Variants in KPNA5 observed in about 807,000 individuals in gnomAD.
The protein encoded by KPNA5 is karyopherin subunit alpha 5.
In KPNA5, 46 loss-of-function variants were observed where a neutral mutation model predicts 71.3. The ratio of observed to expected loss-of-function variants is 0.65; its 90% CI spans 0.51 to 0.83. The LOEUF (loss-of-function observed/expected upper bound fraction) is 0.83, where lower values mean the gene tolerates loss of function less well. KPNA5 is among the 40% of genes least tolerant of loss of function. KPNA5 has a pLI of 0.00. For synonymous variants in KPNA5, 207 were observed against 201.4 expected (o/e 1.03, Z -0.24); for missense variants, 547 against 628.3 (o/e 0.87, Z 1.38).
intron 7 of KPNA5, among the ~76,000 whole-genome samples, chr6:116,709,736 C>T (rs750808796): frequency 3.3e-5 from 5 of 151,818 alleles, no homozygotes; most frequent in African/African-American, 1.2e-4. Context: ...TTGATAAATG[C>T]CCTTTATCCT....
intron 7 of KPNA5, among the ~76,000 whole-genome samples, chr6:116,713,074 T>C (rs1396215796): frequency 6.6e-6 from 1 of 152,168 alleles, no homozygotes; most frequent in Non-Finnish European, 1.5e-5. Flanking sequence ...CATTTTACTT[T>C]TAAGTCATGT....
chr6:116,686,144 A>T (rs1299339791), intron 1 of KPNA5, among the ~76,000 whole-genome samples: 7 of 151,948 alleles, frequency 4.6e-5, no homozygotes, highest in African/African-American at 1.5e-4. Flanking sequence ...AGCTCAAGCA[A>T]TCCTCCTGGC....
intron 7 of KPNA5, among the ~76,000 whole-genome samples, chr6:116,713,052 A>AT (rs201995086): frequency 9.0e-4 from 134 of 149,118 alleles, no homozygotes; most frequent in East Asian, 8.6e-3. Flanking sequence ...ATTTATAATG[A>AT]TTTTTTTTTT....
At chr6:116,706,057 C>T (rs1259475421) in intron 7 of KPNA5, among the ~76,000 whole-genome samples, 1 of 152,144 alleles carries the variant, frequency 6.6e-6, no homozygotes, top group African/African-American at 2.4e-5. Flanking sequence ...GAGAATTTAG[C>T]TGAGCTATAA....
intron 5 of KPNA5, among the ~76,000 whole-genome samples, chr6:116,700,099 A>G (rs976761207): frequency 1.3e-5 from 2 of 152,190 alleles, no homozygotes; most frequent in South Asian, 4.1e-4. Flanking sequence ...ACTAGTCTTG[A>G]GGATGAAGGA....
rs1747158735 is a variant in KPNA5, at chr6:116,737,831, A to T, written c.*5508A>T. The T allele has an allele frequency of 6.6e-6, 1 of 151,832 alleles. No homozygotes were observed. Among genetic ancestry groups the T allele is most frequent in the Admixed American group, 6.6e-5 (1 of 15,190 alleles). The allele number at this position is 151,832 out of a possible 1,614,324, so 9.4% of individuals were successfully genotyped here. The stretch of plus-strand genomic sequence containing the variant: ...CTTTTTGTCTCAATCACTTTCGCTG[A>T]ATTCAGTTATAGTGATTATAGTCTT... On this transcript the variant is annotated 3_prime_UTR_variant, in exon 14 of 14. Coordinates refer to ENST00000368564, the MANE Select transcript of KPNA5 (RefSeq NM_001366306.2).
At chr6:116,717,847 A>G (rs1013026509) in intron 8 of KPNA5, among the ~76,000 whole-genome samples, 2 of 151,968 alleles carry the variant, frequency 1.3e-5, no homozygotes, top group African/African-American at 4.8e-5. Flanking sequence ...AGTTGTATAC[A>G]TGCCCATCTG....
chr6:116,716,177 T>C, intron 7 of KPNA5, 42 bp from the exon 8 acceptor site: 1 of 1,437,900 alleles, frequency 7.0e-7, no homozygotes, highest in South Asian at 1.2e-5. Flanking sequence ...AGAGGAAAAA[T>C]GAATGTAAGG....
In KPNA5 at chr6:116,729,746, G is replaced by A. The variant is rs1779416055; in HGVS notation, c.1432+5G>A. ...CTCTCATTGAAGAAGCATATGGTAA[G>A]CAATCAGTTAAAAATTTGCAATTAT... is the stretch of plus-strand genomic sequence containing the variant. On this transcript the variant is annotated splice_donor_5th_base_variant and intron_variant, in intron 13 of 13. Transcript: ENST00000368564. The A allele has an allele frequency of 6.8e-7, 1 of 1,478,488 alleles. No homozygotes were observed. The highest frequency in any genetic ancestry group is 9.0e-7 in the Non-Finnish European group (1 of 1,105,718). 91.6% of individuals were successfully genotyped at this position (1,478,488 alleles called of 1,614,324 possible). A position where few individuals can be genotyped will look rare whatever the true frequency, so the allele number is the denominator to read the frequency against.
rs1779354157 is a variant in KPNA5 at position 116,728,284 on chromosome 6, T to C, written c.1254-1279T>C. 6.6e-5 allele frequency among the ~76,000 whole-genome samples: 10 copies of C among 152,292 alleles called. No homozygotes were observed. In the South Asian group the frequency reaches 2.1e-3, roughly 32 times the overall value. On this transcript the variant is annotated intron_variant, in intron 12 of 13. Coordinates refer to ENST00000368564, the MANE Select transcript of KPNA5 (RefSeq NM_001366306.2). ...ATAGTTGTATTTTTTCAATTAATTT[T>C]TGTGGTTATATCTATTCTGTATATT... is the stretch of plus-strand genomic sequence containing the variant.
At chr6:116,725,032 T>C (rs1375997402) in intron 10 of KPNA5, among the ~76,000 whole-genome samples, 1 of 152,222 alleles carries the variant, frequency 6.6e-6, no homozygotes, top group Non-Finnish European at 1.5e-5. Context: ...TTTATCCTTT[T>C]AAAGGCCTAT....
intron 10 of KPNA5, among the ~76,000 whole-genome samples, chr6:116,724,815 A>G (rs1309023409): frequency 6.6e-6 from 1 of 151,992 alleles, no homozygotes; most frequent in East Asian, 1.9e-4. Context: ...GGGTCTTGCT[A>G]TGTTGCCCAA....
chr6:116,688,125 T>A (rs1777665275), intron 1 of KPNA5, among the ~76,000 whole-genome samples: 1 of 152,108 alleles, frequency 6.6e-6, no homozygotes, highest in Admixed American at 6.6e-5. Flanking sequence ...TCTTTCCTGT[T>A]TTTCCTTTAA....
At chr6:116,715,733 T>C (rs571272657) in intron 7 of KPNA5, among the ~76,000 whole-genome samples, 1 of 152,160 alleles carries the variant, frequency 6.6e-6, no homozygotes, top group South Asian at 2.1e-4. Context: ...CTGGCCAAGA[T>C]GGTGAAACCT....
intron 12 of KPNA5, among the ~76,000 whole-genome samples, chr6:116,729,220 TAAA>T (rs371973712): frequency 8.4e-6 from 1 of 118,686 alleles, no homozygotes; most frequent in Admixed American, 8.6e-5. Flanking sequence ...GGCTTGCCTT[TAAA>T]AAAAAAAAAA....
At chr6:116,684,429 A>T (rs1163530598) in intron 1 of KPNA5, among the ~76,000 whole-genome samples, 3 of 152,166 alleles carry the variant, frequency 2.0e-5, no homozygotes, top group African/African-American at 7.2e-5. Flanking sequence ...CTGATGCCTG[A>T]TATGGTACTT....
At chr6:116,709,268 C>T (rs866648195) in intron 7 of KPNA5, among the ~76,000 whole-genome samples, 2 of 152,114 alleles carry the variant, frequency 1.3e-5, no homozygotes, top group East Asian at 1.9e-4. Flanking sequence ...TAGGGAGGGT[C>T]GTTTGAGGTC....
chr6:116,702,115 C>A lies in KPNA5; in HGVS notation c.532C>A (p.Leu178Ile). The change falls in exon 6 of 14, where the codon CTT (leucine) becomes ATT (isoleucine). Residue 178 changes from leucine to isoleucine, a missense_variant. Coordinates refer to ENST00000368564, the MANE Select transcript of KPNA5 (RefSeq NM_001366306.2). ...ETGAVPIFIK[L>I]LNSEHEDVQE... ...TGGGGCTGTTCCGATTTTTATCAAA[C>A]TTCTTAATTCTGAACATGAAGATGT... 6.2e-7 allele frequency: 1 copy of A among 1,613,868 alleles called. No individual in the cohort carries two copies. The highest frequency in any genetic ancestry group is 8.5e-7 in the Non-Finnish European group (1 of 1,179,920).
intron 1 of KPNA5, among the ~76,000 whole-genome samples, chr6:116,688,345 A>C (rs1203415624): frequency 6.6e-6 from 1 of 152,250 alleles, no homozygotes; most frequent in Middle Eastern, 3.4e-3. Flanking sequence ...AATTGGTCAC[A>C]ACATTGTCTC....
Sources: gnomAD v4.1 joint callset for allele counts (sites outside exome capture counted in the v4.1 genomes callset) on GRCh38, gnomAD v4.1.1 for gene constraint, MANE v1.5 for transcripts, NCBI Gene and HGNC (gene_info 2026-07-23, HGNC 2026-07-21) for gene names.